The following DSCAML1 variants were observed in gnomAD, a reference collection of about 807,000 sequenced individuals.
DSCAML1 encodes DS cell adhesion molecule like 1.
Under a neutral mutation model 200.5 loss-of-function variants are expected in DSCAML1, and 38 were observed. That is an observed-to-expected ratio of 0.19 (90% CI 0.15 to 0.25). The LOEUF is 0.25. Ranked by LOEUF, DSCAML1 falls within the 10% of genes least tolerant of loss-of-function variation. DSCAML1 has a pLI of 1.00. For synonymous variants in DSCAML1, 1,215 were observed against 1,165.0 expected (o/e 1.04, Z -0.87); for missense variants, 2,223 against 2,858.8 (o/e 0.78, Z 5.07).
chr11:117,547,716 T>C lies in DSCAML1; in HGVS notation c.512-15194A>G, dbSNP rs73589091. Among the ~76,000 whole-genome samples the C allele has an allele frequency of 4.5e-3, 686 of 152,334 alleles. 16 individuals carry two copies. The highest frequency in any genetic ancestry group is 0.016 in the African/African-American group (653 of 41,580). ...TGTGTGTCTGTAAGACTTGTGGTCT[T>C]ATCTAATTCATTCTCACTATAGCCA... On this transcript the variant is annotated intron_variant, in intron 3 of 32. Transcript: ENST00000651296.
At chr11:117,593,249 T>G (rs2051294594) in intron 3 of DSCAML1, among the ~76,000 whole-genome samples, 1 of 152,196 alleles carries the variant, frequency 6.6e-6, no homozygotes, top group African/African-American at 2.4e-5. Context: ...AATGGATGCC[T>G]TCTGCCCTGC....
intron 4 of DSCAML1, among the ~76,000 whole-genome samples, chr11:117,531,400 G>A (rs1182677820): frequency 2.0e-5 from 3 of 152,116 alleles, no homozygotes; most frequent in Non-Finnish European, 2.9e-5. Flanking sequence ...AGAAACAAAT[G>A]AGGGAATCCC....
rs746056946 is a variant in DSCAML1, at chr11:117,518,778, A to G, written c.1214-16T>C. 4.4e-6 allele frequency: 7 copies of G among 1,603,000 alleles called. No individual in the cohort carries two copies. In the African/African-American group the frequency reaches 9.3e-5, roughly 21 times the overall value. Reference sequence around the variant, plus strand: ...GGCGTGCCATCTGCAGGGAGCGAGAAGCCCCCTTCAGGGTCACCAAGCCAT... The same window carrying G: ...GGCGTGCCATCTGCAGGGAGCGAGAGGCCCCCTTCAGGGTCACCAAGCCAT... On this transcript the variant is annotated splice_polypyrimidine_tract_variant and intron_variant, in intron 6 of 32. Transcript: ENST00000651296. The surrounding 1 kb of genome is among the most constrained non-coding windows in gnomAD (Gnocchi z 6.3).
chr11:117,487,010 C>T (rs972008618), intron 11 of DSCAML1, among the ~76,000 whole-genome samples: 2 of 146,616 alleles, frequency 1.4e-5, no homozygotes, highest in Non-Finnish European at 3.0e-5. Context: ...CTGCAACCTC[C>T]GCCTCCTGGA....
chr11:117,666,351 T>C (rs546196813), intron 3 of DSCAML1, among the ~76,000 whole-genome samples: 31 of 152,242 alleles, frequency 2.0e-4, no homozygotes, highest in Non-Finnish European at 3.4e-4. Context: ...TAGTGGATTT[T>C]AGAAGTTGTG....
At position 117,706,605 on chromosome 11, in the gene DSCAML1, G is replaced by A. The variant is rs558549755; in HGVS notation, c.511+70186C>T. Among the ~76,000 whole-genome samples, 26 of 152,306 alleles carry A rather than the reference G, an allele frequency of 1.7e-4. No individual in the cohort carries two copies. The South Asian group carries it at 3.7e-3, about 22-fold the overall frequency. ...GCCCTTTGCAGAGGGAGACACAGCC[G>A]TGCAAATGCCGTGTGTCGCAGCCAA... On this transcript the variant is annotated intron_variant, in intron 3 of 32. Coordinates refer to ENST00000651296, the MANE Select transcript of DSCAML1 (RefSeq NM_020693.4).
intron 3 of DSCAML1, among the ~76,000 whole-genome samples, chr11:117,706,037 G>A (rs182741831): frequency 2.8e-4 from 42 of 152,276 alleles, no homozygotes; most frequent in Non-Finnish European, 4.0e-4. Flanking sequence ...GTCCGAGACA[G>A]CTGAAAAGGT....
intron 1 of DSCAML1, among the ~76,000 whole-genome samples, chr11:117,807,398 G>A (rs2055715685): frequency 6.6e-6 from 1 of 152,166 alleles, no homozygotes; most frequent in Non-Finnish European, 1.5e-5. Context: ...GATTTGGGGG[G>A]TGGGAGATCT....
At chr11:117,546,127 G>T (rs1360320458) in intron 3 of DSCAML1, among the ~76,000 whole-genome samples, 2 of 152,216 alleles carry the variant, frequency 1.3e-5, no homozygotes, top group Non-Finnish European at 2.9e-5. Flanking sequence ...GAACAGTCAG[G>T]TCCCACCATC....
intron 18 of DSCAML1, 79 bp from the exon 19 acceptor site, chr11:117,458,988 T>C: frequency 6.5e-7 from 1 of 1,538,138 alleles, no homozygotes. Flanking sequence ...GCCTGGGCTC[T>C]GCCCACACCT....
chr11:117,693,880 G>A (rs959654031), intron 3 of DSCAML1, among the ~76,000 whole-genome samples: 7 of 152,006 alleles, frequency 4.6e-5, no homozygotes, highest in Non-Finnish European at 8.8e-5. Context: ...TTCAAATCAA[G>A]ATGTCCTGTG....
At chr11:117,609,028 AAACAAAC>A (rs1315282718) in intron 3 of DSCAML1, among the ~76,000 whole-genome samples, 9 of 110,268 alleles carry the variant, frequency 8.2e-5, no homozygotes, top group African/African-American at 2.2e-4. Context: ...ACAAACAAAC[AAACAAAC>A]AAAAAAAACA....
intron 3 of DSCAML1, among the ~76,000 whole-genome samples, chr11:117,744,206 C>T (rs757339581): frequency 6.6e-5 from 10 of 152,348 alleles, no homozygotes; most frequent in Admixed American, 2.0e-4. Context: ...TTTGAGATGA[C>T]GCTCAGAGAG....
chr11:117,442,648 C>G (rs972048274), intron 21 of DSCAML1, among the ~76,000 whole-genome samples: 2 of 152,134 alleles, frequency 1.3e-5, no homozygotes, highest in African/African-American at 4.8e-5. Flanking sequence ...TTTAATGCCC[C>G]CAGGAGAAGA....
chr11:117,464,391 C>A (rs899058811), intron 17 of DSCAML1, among the ~76,000 whole-genome samples: 1 of 152,130 alleles, frequency 6.6e-6, no homozygotes, highest in African/African-American at 2.4e-5. Context: ...CTAACCCTCT[C>A]CTCCTGGAGA....
At chr11:117,452,400 G>A (rs1038216481) in intron 19 of DSCAML1, among the ~76,000 whole-genome samples, 2 of 152,112 alleles carry the variant, frequency 1.3e-5, no homozygotes, top group Non-Finnish European at 2.9e-5. Context: ...TTGCCTTATA[G>A]TATGTCTGAC....
chr11:117,438,604 G>GTCTACT (rs1030768819), intron 24 of DSCAML1, among the ~76,000 whole-genome samples: 2 of 152,070 alleles, frequency 1.3e-5, no homozygotes, highest in Non-Finnish European at 2.9e-5. Context: ...TAGTCCATTT[G>GTCTACT]TCTACTTCGA....
intron 3 of DSCAML1, among the ~76,000 whole-genome samples, chr11:117,559,355 G>A (rs546209894): frequency 6.4e-4 from 97 of 152,202 alleles, no homozygotes; most frequent in African/African-American, 2.3e-3. Context: ...CACTGACCCC[G>A]AGTTTTTAGA....
intron 3 of DSCAML1, among the ~76,000 whole-genome samples, chr11:117,661,736 C>G (rs894019461): frequency 6.6e-6 from 1 of 152,180 alleles, no homozygotes; most frequent in African/African-American, 2.4e-5. Context: ...ACCTCTCTCT[C>G]ATTTTCTTTC....
Sources: gnomAD v4.1 joint callset for allele counts (sites outside exome capture counted in the v4.1 genomes callset) on GRCh38, gnomAD v4.1.1 for gene constraint, Gnocchi (gnomAD v3.1) non-coding constraint, MANE v1.5 for transcripts, NCBI Gene and HGNC (gene_info 2026-07-23, HGNC 2026-07-21) for gene names.